The following HLCS variants were observed in gnomAD, a reference collection of about 807,000 sequenced individuals.
HLCS encodes biotin--protein ligase.
A neutral mutation model predicts 75.0 loss-of-function variants in HLCS; 53 were observed. The ratio of observed to expected loss-of-function variants is 0.71; its 90% CI spans 0.57 to 0.89. The LOEUF (loss-of-function observed/expected upper bound fraction) is 0.89. HLCS is among the 40% of genes least tolerant of loss of function. The probability of loss-of-function intolerance (pLI) is 0.00; values close to 1 mark genes in which losing one functional copy is unlikely to be tolerated. For missense variants in HLCS, 966 were observed against 1,074.0 expected (o/e 0.90, Z 1.41); for synonymous variants, 431 against 428.6 (o/e 1.01, Z -0.07).
chr21:36,905,666 A>G lies in HLCS; in HGVS notation c.1621-8535T>C, dbSNP rs570622963. 5.9e-5 allele frequency among the ~76,000 whole-genome samples: 9 copies of G among 152,216 alleles called. No individual in the cohort carries two copies. In the South Asian group the frequency reaches 1.9e-3, roughly 32 times the overall value. On this transcript the variant is annotated intron_variant, in intron 5 of 10. Transcript: ENST00000674895. Reference sequence around the variant, plus strand: ...TATATTCTTTGTCTTTTATTGGGTCATGTTGCACAGGACATGAAAATCCAA... The same window carrying G: ...TATATTCTTTGTCTTTTATTGGGTCGTGTTGCACAGGACATGAAAATCCAA...
At chr21:36,963,736 G>A (rs567171697) in intron 1 of HLCS, among the ~76,000 whole-genome samples, 1 of 151,876 alleles carries the variant, frequency 6.6e-6, no homozygotes, top group South Asian at 2.1e-4. Flanking sequence ...TGGGCAACAA[G>A]AGCAAAACTC....
intron 6 of HLCS, among the ~76,000 whole-genome samples, chr21:36,887,681 G>A (rs1458503775): frequency 6.6e-6 from 1 of 152,100 alleles, no homozygotes; most frequent in East Asian, 1.9e-4. Flanking sequence ...TAAAATGAAG[G>A]TTTCTTAAAA....
chr21:36,848,379 C>T (rs895204952), intron 6 of HLCS, among the ~76,000 whole-genome samples: 11 of 151,396 alleles, frequency 7.3e-5, no homozygotes, highest in Middle Eastern at 3.4e-3. Context: ...AAGCAATTCT[C>T]CTGCCTCAGC....
intron 5 of HLCS, among the ~76,000 whole-genome samples, chr21:36,908,235 AC>A (rs764590426): frequency 5.6e-4 from 85 of 152,072 alleles, no homozygotes; most frequent in Non-Finnish European, 7.5e-4. Context: ...AAATAAAAAA[AC>A]AAAACTAGTC....
At chr21:36,807,664 TAC>T (rs1445097418) in intron 6 of HLCS, among the ~76,000 whole-genome samples, 2 of 152,324 alleles carry the variant, frequency 1.3e-5, no homozygotes, top group Admixed American at 1.3e-4. Context: ...GATGGTCAAG[TAC>T]AGAGTCTGGC....
intron 6 of HLCS, among the ~76,000 whole-genome samples, chr21:36,792,013 G>A (rs1317843083): frequency 1.3e-5 from 2 of 152,136 alleles, no homozygotes; most frequent in African/African-American, 4.8e-5. Flanking sequence ...GCAGTTAGGT[G>A]TGGGCCAGCC....
At chr21:36,984,245 C>G (rs1373227817) in intron 1 of HLCS, among the ~76,000 whole-genome samples, 1 of 151,926 alleles carries the variant, frequency 6.6e-6, no homozygotes, top group Non-Finnish European at 1.5e-5. Flanking sequence ...TGTTCCAAGA[C>G]CCCCAGTGGA....
At chr21:36,945,537 A>T (rs886853703) in intron 2 of HLCS, among the ~76,000 whole-genome samples, 1 of 152,234 alleles carries the variant, frequency 6.6e-6, no homozygotes, top group Non-Finnish European at 1.5e-5. Context: ...AATACATTAC[A>T]TTAAGTGAAA....
At chr21:36,968,351 T>C (rs2068693941), upstream of HLCS, among the ~76,000 whole-genome samples, 2 of 152,284 alleles carry the variant, frequency 1.3e-5, no homozygotes, top group South Asian at 4.1e-4. Context: ...TATAGCTGCA[T>C]AGAACACCCA....
At chr21:36,857,811 A>G (rs2063248055) in intron 6 of HLCS, among the ~76,000 whole-genome samples, 1 of 152,212 alleles carries the variant, frequency 6.6e-6, no homozygotes, top group South Asian at 2.1e-4. Flanking sequence ...GTTTTTTGAG[A>G]TGGAGTCTCA....
chr21:36,870,862 A>C (rs1295748716), intron 6 of HLCS, among the ~76,000 whole-genome samples: 1 of 152,202 alleles, frequency 6.6e-6, no homozygotes. Context: ...GGAAAATGGC[A>C]TCTAAGAAGG....
At chr21:36,852,353 C>T (rs2063041615) in intron 6 of HLCS, among the ~76,000 whole-genome samples, 1 of 152,158 alleles carries the variant, frequency 6.6e-6, no homozygotes, top group Non-Finnish European at 1.5e-5. Context: ...TACCATGGAG[C>T]CCCTCTGGGT....
chr21:36,813,370 C>G (rs1019780455), intron 6 of HLCS, among the ~76,000 whole-genome samples: 3 of 152,172 alleles, frequency 2.0e-5, no homozygotes, highest in Non-Finnish European at 4.4e-5. Flanking sequence ...TTTTTCAGGT[C>G]AGTATGCCAA....
chr21:36,803,318 G>A (rs536730241), intron 6 of HLCS, among the ~76,000 whole-genome samples: 94 of 152,368 alleles, frequency 6.2e-4, no homozygotes, highest in African/African-American at 2.2e-3. Context: ...CTTCTCCATG[G>A]TCTCTGCCTA....
At chr21:36,953,207 C>T (rs1209862556) in intron 2 of HLCS, among the ~76,000 whole-genome samples, 1 of 152,156 alleles carries the variant, frequency 6.6e-6, no homozygotes, top group Non-Finnish European at 1.5e-5. Flanking sequence ...AGTGATCCTC[C>T]CACCCCAGCC....
intron 6 of HLCS, among the ~76,000 whole-genome samples, chr21:36,820,678 C>T (rs2835470): frequency 0.29 from 44,439 of 152,204 alleles, 6,797 homozygotes; most frequent in Middle Eastern, 0.34. Flanking sequence ...GGCCTGTACG[C>T]GCCCTTCAGC....
chr21:36,950,244 T>C (rs1292020576), intron 2 of HLCS, among the ~76,000 whole-genome samples: 1 of 152,158 alleles, frequency 6.6e-6, no homozygotes, highest in Non-Finnish European at 1.5e-5. Flanking sequence ...TTAACACATA[T>C]AAGCCTTGTT....
At position 36,936,666 on chromosome 21, in the gene HLCS, T is replaced by C; in HGVS notation, c.1220A>G (p.Lys407Arg). Residue 407 changes from lysine to arginine, a missense_variant, in exon 4 of 11, where the codon AAG (lysine) becomes AGG (arginine). Physicochemically the swap from Lys to Arg is conservative, Grantham distance 26. Coordinates refer to ENST00000674895, the MANE Select transcript of HLCS (RefSeq NM_001352514.2). ...FTFGGFQVTS[K>R]GALHKTVQNL... ...CTGGACTGTCTTGTGCAGTGCACCC[T>C]TGCTTGTCACCTGAAAGCCACCAAA... The C allele has an allele frequency of 6.2e-7, 1 of 1,614,206 alleles. No homozygotes were observed. Among genetic ancestry groups the C allele is most frequent in the Middle Eastern group, 1.6e-4 (1 of 6,062 alleles).
intron 1 of HLCS, among the ~76,000 whole-genome samples, chr21:36,981,259 G>C (rs1217651143): frequency 6.6e-6 from 1 of 152,172 alleles, no homozygotes; most frequent in Admixed American, 6.5e-5. Flanking sequence ...TGGCACTCCT[G>C]ATGGGTTATT....
Sources: allele counts gnomAD v4.1 joint callset (sites outside exome capture counted in the v4.1 genomes callset), GRCh38; gene constraint gnomAD v4.1.1; transcripts MANE v1.5; gene names NCBI Gene and HGNC (gene_info 2026-07-23, HGNC 2026-07-21).